The following ZNF451 variants were observed in gnomAD, a reference collection of about 807,000 sequenced individuals.
ZNF451 encodes the protein E3 SUMO-protein ligase ZNF451.
In ZNF451, 80 loss-of-function variants were observed where a neutral mutation model predicts 107.1. The ratio of observed to expected loss-of-function variants is 0.75; its 90% CI spans 0.62 to 0.90. The LOEUF (loss-of-function observed/expected upper bound fraction) is 0.90, where lower values mean the gene tolerates loss of function less well. ZNF451 is among the 40% of genes least tolerant of loss of function. ZNF451 has a pLI of 0.00. For missense variants in ZNF451, 1,107 were observed against 1,236.2 expected, an observed-to-expected ratio of 0.90 and a Z score of 1.57; for synonymous variants, 362 against 406.5, an observed-to-expected ratio of 0.89 and a Z score of 1.32.
intron 7 of ZNF451, among the ~76,000 whole-genome samples, chr6:57,136,146 T>C (rs910283672): frequency 6.6e-6 from 1 of 152,192 alleles, no homozygotes; most frequent in Non-Finnish European, 1.5e-5. Context: ...CAACATTGAC[T>C]AGGCACTGTA....
chr6:57,107,566 T>G, intron 3 of ZNF451: 1 of 985,122 alleles, frequency 1.0e-6, no homozygotes, highest in Non-Finnish European at 1.2e-6. Flanking sequence ...ATAAAAATTT[T>G]GAAGCCCATC....
At chr6:57,093,298 C>A (rs6917528) in intron 2 of ZNF451, among the ~76,000 whole-genome samples, 151,714 of 152,330 alleles carry the variant, frequency 1, 75,553 homozygotes, top group Middle Eastern at 1. Context: ...TATAGTGTAG[C>A]ATCATTGGAA....
At chr6:57,157,222 T>C (rs986378910) in intron 13 of ZNF451, among the ~76,000 whole-genome samples, 3 of 152,180 alleles carry the variant, frequency 2.0e-5, no homozygotes, top group African/African-American at 7.2e-5. Flanking sequence ...TAAAAAGTGG[T>C]TTTTATTAGA....
At chr6:57,151,285 T>A (rs1832334454) in intron 11 of ZNF451, 1 of 149,386 alleles carries the variant, frequency 6.7e-6, no homozygotes, top group African/African-American at 2.5e-5. Flanking sequence ...GGCAGGAGAA[T>A]GGTGTGAACC....
At chr6:57,123,973 G>T (rs774204354) in intron 3 of ZNF451, among the ~76,000 whole-genome samples, 1 of 152,036 alleles carries the variant, frequency 6.6e-6, no homozygotes, top group Non-Finnish European at 1.5e-5. Context: ...TTCTTCCTTC[G>T]CAATCTGTGT....
At chr6:57,119,741 A>T (rs189642992) in intron 3 of ZNF451, among the ~76,000 whole-genome samples, 2 of 152,146 alleles carry the variant, frequency 1.3e-5, no homozygotes, top group Non-Finnish European at 2.9e-5. Context: ...CTCCATTAAC[A>T]TATTTTGTGC....
intron 7 of ZNF451, among the ~76,000 whole-genome samples, chr6:57,138,727 A>ATGTGTGTGTGTG (rs1253099714): frequency 7.9e-5 from 9 of 114,648 alleles, no homozygotes; most frequent in Non-Finnish European, 9.1e-5. Context: ...ATATATATAT[A>ATGTGTGTGTGTG]TATATATATA....
intron 5 of ZNF451, among the ~76,000 whole-genome samples, chr6:57,129,648 A>G (rs1831088854): frequency 6.6e-6 from 1 of 152,174 alleles, no homozygotes; most frequent in South Asian, 2.1e-4. Context: ...CACTTATAAA[A>G]GAATTCTAAT....
At chr6:57,104,586 G>C in intron 3 of ZNF451, 1 of 984,462 alleles carries the variant, frequency 1.0e-6, no homozygotes, top group Non-Finnish European at 1.2e-6. Context: ...CCTTCCCTTT[G>C]CCTTTTAAAT....
In ZNF451 at chr6:57,168,425, G is replaced by T; in HGVS notation, c.3142G>T (p.Val1048Leu). Residue 1048 changes from valine to leucine, a missense_variant and splice_region_variant, in exon 15 of 15, where the codon GTG (valine) becomes TTG (leucine). Coordinates refer to ENST00000370706, the MANE Select transcript of ZNF451 (RefSeq NM_001031623.3). ...IGEEFISTED[V>L]ELEEAIRRSL... ...AAATTCTATGTTTTTTAATGCAGAT[G>T]TGGAATTAGAAGAAGCTATTAGAAG... The T allele has an allele frequency of 1.2e-6, 2 of 1,603,854 alleles. No homozygotes were observed. The highest frequency in any genetic ancestry group is 1.7e-6 in the Non-Finnish European group (2 of 1,173,566).
At position 57,133,107 on chromosome 6, in the gene ZNF451, G is replaced by C. The variant is rs778962045; in HGVS notation, c.490G>C (p.Val164Leu). The C allele has an allele frequency of 6.2e-7, 1 of 1,614,054 alleles. No homozygotes were observed. The highest frequency in any genetic ancestry group is 2.2e-5 in the East Asian group (1 of 44,874). Residue 164 changes from valine to leucine, a missense_variant, in exon 6 of 15, where the codon GTG becomes CTG. Coordinates refer to ENST00000370706, the MANE Select transcript of ZNF451 (RefSeq NM_001031623.3). Reference sequence around the variant, plus strand: ...ATTCCGAAGAGGAGGCCACACGTGGGTGTCTGGGAAACCAATTTTATGTCC... The same window carrying C: ...ATTCCGAAGAGGAGGCCACACGTGGCTGTCTGGGAAACCAATTTTATGTCC... ...SSFRRGGHTW[V>L]SGKPILCPIM...
chr6:57,163,436 CTTTTTTTTTTTTTTTTTTTTTTTTT>C (rs398001706), intron 14 of ZNF451, among the ~76,000 whole-genome samples: 1 of 30,332 alleles, frequency 3.3e-5, no homozygotes, highest in East Asian at 8.8e-4. Context: ...AATGAATAAA[CTTTTTTTTTTTTTTTTTTTTTTTTT>C]TTTTTTTGAG....
At chr6:57,109,798 A>ACACATACATATACAC in intron 3 of ZNF451, 1 of 769,240 alleles carries the variant, frequency 1.3e-6, no homozygotes, top group Non-Finnish European at 1.6e-6. Context: ...TAGAGTGTAT[A>ACACATACATATACAC]TGTATGTGTA....
In ZNF451 at chr6:57,104,275, T is replaced by C. The variant is rs1352544814; in HGVS notation, c.186+5134T>C. 1.9e-5 allele frequency: 19 copies of C among 985,282 alleles called. No individual in the cohort carries two copies. The Admixed American group carries it at 2.5e-4, about 13-fold the overall frequency. The allele number at this position is 985,282 out of a possible 1,614,324, so 61.0% of individuals were successfully genotyped here. On this transcript the variant is annotated intron_variant, in intron 3 of 14. Transcript: ENST00000370706. ...GTATTGCACCAATCAAGCAATCCCA[T>C]GTGCTCTTGATATTGGCACTGTAGT...
chr6:57,157,355 A>T (rs1763476244), intron 13 of ZNF451, among the ~76,000 whole-genome samples: 1 of 152,174 alleles, frequency 6.6e-6, no homozygotes, highest in Non-Finnish European at 1.5e-5. Context: ...GTCTTTCCAG[A>T]GGTACTTATT....
intron 10 of ZNF451, 85 bp from the exon 11 acceptor site, chr6:57,150,634 A>T: frequency 7.3e-7 from 1 of 1,368,266 alleles, no homozygotes; most frequent in Non-Finnish European, 9.9e-7. Context: ...TTTGCATATT[A>T]GGCTTCTAAT....
intron 13 of ZNF451, chr6:57,159,236 C>T: frequency 1.0e-6 from 1 of 985,264 alleles, no homozygotes; most frequent in Non-Finnish European, 1.2e-6. Context: ...TATTTGCAAC[C>T]CCATGTCAAG....
At chr6:57,109,761 AAAAT>A (rs1359367499) in intron 3 of ZNF451, 1 of 892,074 alleles carries the variant, frequency 1.1e-6, no homozygotes, top group Non-Finnish European at 1.3e-6. Flanking sequence ...TCATAATAAT[AAAAT>A]AAGAGAATGT....
In ZNF451 at chr6:57,148,219, C is replaced by A; in HGVS notation, c.2134C>A (p.Pro712Thr). The A allele has an allele frequency of 6.2e-7, 1 of 1,613,930 alleles. No individual in the cohort carries two copies. Among genetic ancestry groups the A allele is most frequent in the Non-Finnish European group, 8.5e-7 (1 of 1,179,958 alleles). Residue 712 changes from proline to threonine, a missense_variant, in exon 10 of 15, where the codon CCA becomes ACA. Physicochemically the swap from Pro to Thr is conservative, Grantham distance 38 (BLOSUM62 -1). This residue lies in a region of ZNF451 where 608 missense variants were observed against 649.2 expected (regional missense o/e 0.94). Transcript: ENST00000370706. ...ETSIKTEDDF[P>T]VIETSNQLTC... Reference sequence around the variant, plus strand: ...TTCAATTAAAACCGAAGATGATTTTCCAGTAATAGAGACCAGTAACCAGTT... The same window carrying A: ...TTCAATTAAAACCGAAGATGATTTTACAGTAATAGAGACCAGTAACCAGTT...
Sources: allele counts gnomAD v4.1 joint callset (sites outside exome capture counted in the v4.1 genomes callset), GRCh38; gene constraint gnomAD v4.1.1; regional missense constraint gnomAD v4.1.1; transcripts MANE v1.5; gene names NCBI Gene and HGNC (gene_info 2026-07-23, HGNC 2026-07-21).